The following CYP4F12 variants were observed in gnomAD, a reference collection of about 807,000 sequenced individuals.
The protein encoded by CYP4F12 is cytochrome P450 4F12.
CYP4F12 carries 60 observed loss-of-function variants against 56.5 expected under a neutral mutation model. That is an observed-to-expected ratio of 1.06 (90% CI 0.86 to 1.32). CYP4F12 has a LOEUF of 1.32. Among genes scored for constraint, CYP4F12 ranks in the 40% most tolerant of loss-of-function variants. The pLI is 0.00. For missense variants in CYP4F12, 711 were observed against 683.5 expected, an observed-to-expected ratio of 1.04 and a Z score of -0.45; for synonymous variants, 263 against 264.9, an observed-to-expected ratio of 0.99 and a Z score of 0.07.
intron 2 of CYP4F12, among the ~76,000 whole-genome samples, chr19:15,675,208 C>T (rs2006858035): frequency 1.3e-5 from 1 of 75,606 alleles, no homozygotes; most frequent in Admixed American, 1.6e-4. Flanking sequence ...ACTCCCAAAC[C>T]TTTCCCTCCG....
chr19:15,677,777 C>CTCAA (rs367753876), intron 2 of CYP4F12, among the ~76,000 whole-genome samples: 434 of 1,972 alleles, frequency 0.22, 210 homozygotes, highest in Non-Finnish European at 0.33. Flanking sequence ...CTTCTCCTCA[C>CTCAA]TCATTCCTTC....
rs767492960 is a variant in CYP4F12 at position 15,696,401 on chromosome 19, C to T, written c.1315-29C>T. 477 of 1,614,022 alleles carry T rather than the reference C, an allele frequency of 3.0e-4. 1 individual carries two copies. Among genetic ancestry groups the T allele is most frequent in the Non-Finnish European group, 2.2e-4 (259 of 1,179,914 alleles). Reference sequence around the variant, plus strand: ...AGGCTGCTGGACATAGGAAATCCCACTGGCAAACCTTCTTTGTCTCACCTG... The same window carrying T: ...AGGCTGCTGGACATAGGAAATCCCATTGGCAAACCTTCTTTGTCTCACCTG... On this transcript the variant is annotated intron_variant, in intron 11 of 12. Transcript: ENST00000550308.
rs369965653 is a variant in CYP4F12 at position 15,678,354 on chromosome 19, T to C, written c.292T>C (p.Phe98Leu). ...FTVWLGPIIP[F>L]IVLCHPDTIR... ...GGTATGGCTGGGTCCCATCATCCCC[T>C]TCATCGTTTTATGCCACCCTGACAC... The change falls in exon 3 of 13, where the codon TTC becomes CTC. Residue 98 changes from phenylalanine (F) to leucine (L), a missense_variant. Coordinates refer to ENST00000550308, the MANE Select transcript of CYP4F12 (RefSeq NM_023944.4). 7 of 1,614,058 alleles carry C rather than the reference T, an allele frequency of 4.3e-6. No homozygotes were observed. The African/African-American group carries it at 6.7e-5, about 15-fold the overall frequency.
chr19:15,690,772 A>G (rs1282474541), intron 9 of CYP4F12, among the ~76,000 whole-genome samples: 3 of 152,232 alleles, frequency 2.0e-5, no homozygotes, highest in Admixed American at 6.5e-5. Flanking sequence ...TCAATGAGGC[A>G]TCACAGATAG....
rs535074088 is a variant in CYP4F12, at chr19:15,696,848, G to C, written c.1398-60G>C. ...TTGGGGGTCCCAGGCCAGGTTCCTG[G>C]GTTGATGGGACCCAAATGCGGGTCT... is the stretch of plus-strand genomic sequence containing the variant. On this transcript the variant is annotated intron_variant, in intron 12 of 12. Transcript: ENST00000550308. 851 of 1,548,278 alleles carry C rather than the reference G, an allele frequency of 5.5e-4. 3 individuals are homozygous for C. The highest frequency in any genetic ancestry group is 9.5e-4 in the Middle Eastern group (4 of 4,224).
chr19:15,684,642 T>C (rs2007500486), intron 7 of CYP4F12, 174 bp from the exon 8 acceptor site: 1 of 598,872 alleles, frequency 1.7e-6, no homozygotes, highest in Middle Eastern at 4.5e-4. Flanking sequence ...GTTGGGGCTT[T>C]GGTGATGGTG....
At chr19:15,681,508 C>G (rs936576455) in intron 5 of CYP4F12, 1 of 152,172 alleles carries the variant, frequency 6.6e-6, no homozygotes, top group Non-Finnish European at 1.5e-5. Flanking sequence ...GGTTTGTATC[C>G]TTTTTCTGAG....
At chr19:15,682,303 G>A in intron 5 of CYP4F12, 86 bp from the exon 6 acceptor site, 7 of 1,554,494 alleles carry the variant, frequency 4.5e-6, no homozygotes, top group Non-Finnish European at 6.1e-6. Flanking sequence ...GGCTGGTTGT[G>A]GGGGAGTCCA....
At chr19:15,685,685 C>T (rs1288693583) in intron 9 of CYP4F12, among the ~76,000 whole-genome samples, 1 of 152,180 alleles carries the variant, frequency 6.6e-6, no homozygotes, top group African/African-American at 2.4e-5. Flanking sequence ...TCCTAGCCCG[C>T]TGAGAGAACT....
chr19:15,680,207 C>G, intron 3 of CYP4F12, 37 bp from the exon 4 acceptor site: 1 of 1,568,904 alleles, frequency 6.4e-7, no homozygotes, highest in East Asian at 2.2e-5. Flanking sequence ...CCTCTCTTGC[C>G]CTCTACATGG....
chr19:15,682,204 A>T (rs1228452355), intron 5 of CYP4F12, 185 bp from the exon 6 acceptor site: 2 of 670,434 alleles, frequency 3.0e-6, no homozygotes, highest in Non-Finnish European at 4.7e-6. Flanking sequence ...ACTCCAAGCC[A>T]TGGGTCTTCA....
intron 12 of CYP4F12, 100 bp from the exon 13 acceptor site, chr19:15,696,808 C>T: frequency 7.0e-7 from 1 of 1,429,546 alleles, no homozygotes; most frequent in South Asian, 1.4e-5. Flanking sequence ...CTCTCTCAGG[C>T]TGAGCTGGGT....
chr19:15,687,201 CG>C (rs1213948030), intron 9 of CYP4F12, among the ~76,000 whole-genome samples: 3 of 151,640 alleles, frequency 2.0e-5, no homozygotes, highest in Non-Finnish European at 4.4e-5. Context: ...GGCGTGAACC[CG>C]GGTGGCGGAG....
chr19:15,673,712 G>A lies in CYP4F12; in HGVS notation c.183G>A (p.Trp61Ter), dbSNP rs757126588. 1 of 1,614,086 alleles carries A rather than the reference G, an allele frequency of 6.2e-7. No individual in the cohort carries two copies. The highest frequency in any genetic ancestry group is 1.1e-5 in the South Asian group (1 of 91,078). Residue 61 changes from tryptophan to a stop codon, truncating the protein, a stop_gained, in exon 2 of 13, where the codon TGG (tryptophan) becomes TGA (stop). Transcript: ENST00000550308. LOFTEE classifies it high-confidence loss of function. ...AGCCCCCAAAACGGAACTGGTTTTG[G>A]GGTCACCTGGGCCTGGTGAGTGTGA... is the stretch of plus-strand genomic sequence containing the variant. The part of the protein sequence containing the change: ...FPQPPKRNWF[W>*]GHLGLITPTE...
At chr19:15,682,324 T>C in intron 5 of CYP4F12, 65 bp from the exon 6 acceptor site, 2 of 1,592,244 alleles carry the variant, frequency 1.3e-6, no homozygotes, top group Non-Finnish European at 1.7e-6. Context: ...TCCTGATGTT[T>C]GGGACTGGGG....
rs950628152 is a variant in CYP4F12 at position 15,693,280 on chromosome 19, C to T, written c.1116-2656C>T. Among the ~76,000 whole-genome samples the T allele has an allele frequency of 1.4e-4, 21 of 152,110 alleles. No individual in the cohort carries two copies. In the East Asian group the frequency reaches 1.7e-3, roughly 13 times the overall value. On this transcript the variant is annotated intron_variant, in intron 9 of 12. Coordinates refer to ENST00000550308, the MANE Select transcript of CYP4F12 (RefSeq NM_023944.4). The stretch of plus-strand genomic sequence containing the variant: ...AAATTCTGAACCAGATAATTGTAGA[C>T]GGTATGAAAATTTTAAATAGCCACT...
rs1478364393 is a variant in CYP4F12 at position 15,683,558 on chromosome 19, A to G, written c.713A>G (p.His238Arg). 2.5e-6 allele frequency: 4 copies of G among 1,613,992 alleles called. No homozygotes were observed. Among genetic ancestry groups the G allele is most frequent in the Non-Finnish European group, 3.4e-6 (4 of 1,179,964 alleles). ...GCCCTTGTAGAGAAAAGAAGCCAGC[A>G]TATCCTCCAGCACATGGACTTTCTG... ...LSALVEKRSQ[H>R]ILQHMDFLYY... Residue 238 changes from histidine to arginine, a missense_variant, in exon 7 of 13, where the codon CAT becomes CGT. Physicochemically the swap from His to Arg is conservative, Grantham distance 29. Transcript: ENST00000550308.
chr19:15,692,769 T>C (rs1477301424), intron 9 of CYP4F12, among the ~76,000 whole-genome samples: 1 of 152,152 alleles, frequency 6.6e-6, no homozygotes, highest in African/African-American at 2.4e-5. Flanking sequence ...AGTGATAAAC[T>C]GTTAAATGAG....
At chr19:15,683,980 C>T (rs1341477015) in intron 7 of CYP4F12, 2 of 461,876 alleles carry the variant, frequency 4.3e-6, no homozygotes, top group South Asian at 5.0e-5. Context: ...TTTTATTCAA[C>T]TTATAAGTTA....
Sources: allele counts gnomAD v4.1 joint callset (sites outside exome capture counted in the v4.1 genomes callset), GRCh38; gene constraint gnomAD v4.1.1; transcripts MANE v1.5; gene names NCBI Gene and HGNC (gene_info 2026-07-23, HGNC 2026-07-21).